LRP1B: variants seen among roughly 807,000 people sequenced by gnomAD.
LRP1B encodes the protein LDL receptor related protein 1B, also known as low-density lipoprotein receptor-related protein 1B.
LRP1B carries 217 observed loss-of-function variants against 556.6 expected under a neutral mutation model. The ratio of observed to expected loss-of-function variants is 0.39; its 90% confidence interval spans 0.35 to 0.44. The LOEUF (loss-of-function observed/expected upper bound fraction) is 0.44. Among genes scored for constraint, LRP1B ranks in the 20% least tolerant of loss-of-function variants. LRP1B has a pLI of 1.00. For synonymous variants in LRP1B, 2,047 were observed against 1,865.8 expected (o/e 1.10, Z -2.50); for missense variants, 5,053 against 5,620.8 (o/e 0.90, Z 3.23).
chr2:141,861,916 T>C (rs1178559548), intron 1 of LRP1B, among the ~76,000 whole-genome samples: 1 of 149,880 alleles, frequency 6.7e-6, no homozygotes, highest in African/African-American at 2.5e-5. Context: ...GGCAACAGAG[T>C]GAGACTCCAT....
intron 3 of LRP1B, among the ~76,000 whole-genome samples, chr2:141,414,626 C>CTT (rs1401041946): frequency 2.6e-5 from 4 of 152,216 alleles, no homozygotes; most frequent in Non-Finnish European, 5.9e-5. Context: ...TCAAGGGGCT[C>CTT]TTTAATTCTT....
At chr2:141,209,759 A>T (rs1682462214) in intron 6 of LRP1B, among the ~76,000 whole-genome samples, 1 of 152,162 alleles carries the variant, frequency 6.6e-6, no homozygotes, top group East Asian at 1.9e-4. Flanking sequence ...AAGGAAAAAG[A>T]AAAGGAGAAA....
intron 32 of LRP1B, among the ~76,000 whole-genome samples, chr2:140,789,925 C>A (rs565737012): frequency 3.3e-5 from 5 of 151,928 alleles, no homozygotes; most frequent in African/African-American, 9.7e-5. Context: ...CCACCGCGCC[C>A]GGCCAAGGAC....
chr2:142,104,654 T>C (rs1357633729), intron 1 of LRP1B, among the ~76,000 whole-genome samples: 1 of 152,166 alleles, frequency 6.6e-6, no homozygotes, highest in Non-Finnish European at 1.5e-5. Context: ...GAGCTTCTAA[T>C]AGGCTGCAGT....
intron 43 of LRP1B, among the ~76,000 whole-genome samples, chr2:140,587,022 G>A (rs553211424): frequency 2.7e-4 from 41 of 151,816 alleles, no homozygotes; most frequent in African/African-American, 9.2e-4. Flanking sequence ...GAAAGAAACC[G>A]GAACAAAATG....
rs1225948531 is a variant in LRP1B, at chr2:141,648,189, G to A, written c.205+162090C>T. ...CATTCATATTGGGATAGTACAAAGA[G>A]GCTGGACCTGCAATGAGGATGCCTG... is the stretch of plus-strand genomic sequence containing the variant. On this transcript the variant is annotated intron_variant, in intron 2 of 90. Coordinates refer to ENST00000389484, the MANE Select transcript of LRP1B (RefSeq NM_018557.3). 3.3e-5 allele frequency among the ~76,000 whole-genome samples: 5 copies of A among 152,132 alleles called. 1 individual carries two copies. The highest frequency in any genetic ancestry group is 1.2e-4 in the African/African-American group (5 of 41,420).
At chr2:141,288,253 G>T (rs1685799819) in intron 3 of LRP1B, among the ~76,000 whole-genome samples, 1 of 148,694 alleles carries the variant, frequency 6.7e-6, no homozygotes, top group African/African-American at 2.5e-5. Context: ...AAAAAAATTT[G>T]TTTTCAACTG....
intron 3 of LRP1B, among the ~76,000 whole-genome samples, chr2:141,377,315 G>T (rs574384162): frequency 1.3e-5 from 2 of 152,082 alleles, no homozygotes; most frequent in East Asian, 3.9e-4. Flanking sequence ...AAGTCTTTTT[G>T]ATCAACACCT....
chr2:141,486,165 A>G (rs1683114401), intron 2 of LRP1B, among the ~76,000 whole-genome samples: 1 of 152,182 alleles, frequency 6.6e-6, no homozygotes, highest in African/African-American at 2.4e-5. Flanking sequence ...TGAAAATGTA[A>G]TAACTTAAAA....
At chr2:141,480,557 G>A (rs1682880273) in intron 2 of LRP1B, 24 bp from the exon 3 acceptor site, 1 of 1,612,682 alleles carries the variant, frequency 6.2e-7, no homozygotes, top group African/African-American at 1.3e-5. Flanking sequence ...AAAAAGAACA[G>A]AATTATGTGT....
chr2:140,624,905 T>C (rs1250478019), intron 41 of LRP1B, among the ~76,000 whole-genome samples: 1 of 152,152 alleles, frequency 6.6e-6, no homozygotes, highest in Non-Finnish European at 1.5e-5. Flanking sequence ...CATATTCCTA[T>C]GGAAGAACAT....
chr2:141,811,087 A>G (rs1696338592), intron 1 of LRP1B, among the ~76,000 whole-genome samples: 2 of 152,050 alleles, frequency 1.3e-5, no homozygotes, highest in Admixed American at 1.3e-4. Flanking sequence ...GATATTTGAA[A>G]TCTGCAGCCT....
rs745524571 is a variant in LRP1B at position 140,291,320 on chromosome 2, T to TATATATATATATATA, written c.12967+6487_12967+6488insTATATATATATATAT. ...ATTTTATATATATATATATATATAT[T>TATATATATATATATA]TTTATTATACTTTAAGTTCTAGGGT... On this transcript the variant is annotated intron_variant, in intron 84 of 90. Transcript: ENST00000389484. Among the ~76,000 whole-genome samples, 277 of 51,800 alleles carry TATATATATATATATA rather than the reference T, an allele frequency of 5.3e-3. 23 individuals are homozygous for TATATATATATATATA. Among genetic ancestry groups the TATATATATATATATA allele is most frequent in the Middle Eastern group, 0.011 (1 of 92 alleles). 34.0% of individuals were successfully genotyped at this position (51,800 alleles called of 152,430 possible). A position where few individuals can be genotyped will look rare whatever the true frequency, so the allele number is the denominator to read the frequency against.
At chr2:141,032,826 C>CATATATATATATATATAT (rs71391641) in intron 11 of LRP1B, among the ~76,000 whole-genome samples, 66 of 126,650 alleles carry the variant, frequency 5.2e-4, no homozygotes, top group Middle Eastern at 4.1e-3. Flanking sequence ...TATATACATA[C>CATATATATATATATATAT]ATATATATAT....
At position 140,541,983 on chromosome 2, in the gene LRP1B, T is replaced by A. The variant is rs765752893; in HGVS notation, c.7195-12A>T. On this transcript the variant is annotated splice_polypyrimidine_tract_variant and intron_variant, in intron 43 of 90. Coordinates refer to ENST00000389484, the MANE Select transcript of LRP1B (RefSeq NM_018557.3). ...GATTTAACTATCACCTGAAATAAAT[T>A]AAAATACTGTATTTTTATGATGAAT... is the stretch of plus-strand genomic sequence containing the variant. 1.9e-6 allele frequency: 3 copies of A among 1,575,152 alleles called. No homozygotes were observed. Among genetic ancestry groups the A allele is most frequent in the African/African-American group, 2.7e-5 (2 of 73,678 alleles).
intron 35 of LRP1B, among the ~76,000 whole-genome samples, chr2:140,752,141 C>G (rs1688600515): frequency 6.6e-6 from 1 of 151,872 alleles, no homozygotes; most frequent in Non-Finnish European, 1.5e-5. Context: ...ATGGTGAAAC[C>G]CTGTCTCTAC....
chr2:142,041,636 C>T (rs543389644), intron 1 of LRP1B, among the ~76,000 whole-genome samples: 49 of 151,500 alleles, frequency 3.2e-4, no homozygotes, highest in African/African-American at 1.2e-3. Flanking sequence ...TTGACAAAGG[C>T]TAAACTCTAT....
intron 5 of LRP1B, among the ~76,000 whole-genome samples, chr2:141,230,925 T>C (rs1179715459): frequency 6.6e-6 from 1 of 152,216 alleles, no homozygotes; most frequent in Non-Finnish European, 1.5e-5. Context: ...GATTATTTAC[T>C]TCTATCTCTA....
At chr2:141,342,449 C>G (rs114982532) in intron 3 of LRP1B, among the ~76,000 whole-genome samples, 1 of 151,716 alleles carries the variant, frequency 6.6e-6, no homozygotes, top group Non-Finnish European at 1.5e-5. Context: ...TAATATCTTA[C>G]CAGTATGTGA....
Sources: gnomAD v4.1 joint callset for allele counts (sites outside exome capture counted in the v4.1 genomes callset) on GRCh38, gnomAD v4.1.1 for gene constraint, MANE v1.5 for transcripts, NCBI Gene and HGNC (gene_info 2026-07-23, HGNC 2026-07-21) for gene names.